VAV2: variants seen among roughly 807,000 people sequenced by gnomAD.
VAV2 encodes vav guanine nucleotide exchange factor 2.
A neutral mutation model predicts 132.5 loss-of-function variants in VAV2; 67 were observed. The observed-to-expected ratio is 0.51, with a 90% confidence interval of 0.42 to 0.62. VAV2 has a LOEUF of 0.62. Ranked by LOEUF, VAV2 falls within the 20% of genes least tolerant of loss-of-function variation. The pLI is 0.00. For missense variants in VAV2, 938 were observed against 1,153.6 expected, an observed-to-expected ratio of 0.81 and a Z score of 2.71; for synonymous variants, 492 against 443.5, an observed-to-expected ratio of 1.11 and a Z score of -1.37.
intron 1 of VAV2, among the ~76,000 whole-genome samples, chr9:133,960,591 G>A (rs148721286): frequency 9.2e-5 from 14 of 152,360 alleles, no homozygotes; most frequent in South Asian, 4.1e-4. Context: ...ACTTATCTGC[G>A]GAGAAAACGG....
At chr9:133,905,202 G>A (rs888182420) in intron 2 of VAV2, among the ~76,000 whole-genome samples, 1 of 152,118 alleles carries the variant, frequency 6.6e-6, no homozygotes, top group Non-Finnish European at 1.5e-5. Flanking sequence ...GCCAAGGCGG[G>A]TGGATCACCT....
At chr9:133,899,201 C>T (rs934966395) in intron 2 of VAV2, among the ~76,000 whole-genome samples, 12 of 151,678 alleles carry the variant, frequency 7.9e-5, no homozygotes, top group Non-Finnish European at 1.5e-4. Context: ...ATCACAAACG[C>T]GGAATAACAA....
chr9:133,849,982 C>A (rs1837101018), intron 3 of VAV2, among the ~76,000 whole-genome samples: 1 of 152,198 alleles, frequency 6.6e-6, no homozygotes, highest in Non-Finnish European at 1.5e-5. Context: ...ACACCATTCA[C>A]CCCATACACC....
At chr9:133,889,760 AC>A (rs1311745505) in intron 2 of VAV2, among the ~76,000 whole-genome samples, 3 of 151,552 alleles carry the variant, frequency 2.0e-5, no homozygotes, top group African/African-American at 7.3e-5. Flanking sequence ...ACACACACAC[AC>A]AAAAAATTTT....
At chr9:133,771,867 C>T (rs2131573000) in intron 26 of VAV2, 92 bp downstream of exon 26, 2 of 1,217,000 alleles carry the variant, frequency 1.6e-6, no homozygotes. Context: ...AATCAATCCT[C>T]ACAGAAAACA....
Position 133,928,773 on chromosome 9 carries a change from C to T in VAV2, c.321+10330G>A, listed in dbSNP as rs1372866346. On this transcript the variant is annotated intron_variant, in intron 2 of 29. Coordinates refer to ENST00000371850, the MANE Select transcript of VAV2 (RefSeq NM_001134398.2). The surrounding 1 kb of genome is among the most constrained non-coding windows in gnomAD (Gnocchi z 5.4). Reference sequence around the variant, plus strand: ...CAACGCAGATGTAAAATGGAGAAATCAATGACATGGCTGAGACGGCATCTG... The same window carrying T: ...CAACGCAGATGTAAAATGGAGAAATTAATGACATGGCTGAGACGGCATCTG... 2.0e-5 allele frequency among the ~76,000 whole-genome samples: 3 copies of T among 152,172 alleles called. No homozygotes were observed. Among genetic ancestry groups the T allele is most frequent in the Non-Finnish European group, 4.4e-5 (3 of 68,024 alleles).
intron 1 of VAV2, among the ~76,000 whole-genome samples, chr9:133,979,818 C>T (rs531309349): frequency 2.6e-5 from 4 of 152,312 alleles, no homozygotes; most frequent in Admixed American, 6.5e-5. Flanking sequence ...GGGAAGGCGG[C>T]GCCAGCTGCG....
chr9:133,932,469 G>T (rs1001074172), intron 2 of VAV2, among the ~76,000 whole-genome samples: 13 of 152,238 alleles, frequency 8.5e-5, no homozygotes, highest in African/African-American at 2.4e-4. Context: ...AAAGCAGCCA[G>T]AAGAGAAACA....
chr9:133,775,084 G>A lies in VAV2; in HGVS notation c.2019-33C>T, dbSNP rs369341240. 213 of 1,556,054 alleles carry A rather than the reference G, an allele frequency of 1.4e-4. 4 individuals carry two copies. In the South Asian group the frequency reaches 1.6e-3, roughly 12 times the overall value. Reference sequence around the variant, plus strand: ...AGGGGGCCGGGAGGAAACGAGAGCCGCAGTGAGGACAGTGTCTGAGGGGTG... The same window carrying A: ...AGGGGGCCGGGAGGAAACGAGAGCCACAGTGAGGACAGTGTCTGAGGGGTG... On this transcript the variant is annotated intron_variant, in intron 24 of 29. Coordinates refer to ENST00000371850, the MANE Select transcript of VAV2 (RefSeq NM_001134398.2).
Position 133,851,303 on chromosome 9 carries a change from A to G in VAV2, c.380+10071T>C, listed in dbSNP as rs974765543. Among the ~76,000 whole-genome samples, 6 of 152,182 alleles carry G rather than the reference A, an allele frequency of 3.9e-5. No individual in the cohort carries two copies. In the East Asian group the frequency reaches 9.6e-4, roughly 24 times the overall value. On this transcript the variant is annotated intron_variant, in intron 3 of 29. Coordinates refer to ENST00000371850, the MANE Select transcript of VAV2 (RefSeq NM_001134398.2). ...GGAGGAACCTGAGGCACAGAGTGGC[A>G]GCTCCTCCTCCTCCTCCTGACTCTC...
At chr9:133,938,998 G>A in intron 2 of VAV2, 105 bp downstream of exon 2, 1 of 1,039,428 alleles carries the variant, frequency 9.6e-7, no homozygotes, top group Non-Finnish European at 1.5e-6. Context: ...CTGGCTCTGT[G>A]TTGGAGCCAA....
At chr9:133,930,233 T>G (rs577771280) in intron 2 of VAV2, among the ~76,000 whole-genome samples, 55 of 152,142 alleles carry the variant, frequency 3.6e-4, no homozygotes, top group African/African-American at 1.3e-3. Flanking sequence ...CCTCTCTGCC[T>G]CCCGGCATCC....
At position 133,802,031 on chromosome 9, in the gene VAV2, C is replaced by T. The variant is rs1463963885; in HGVS notation, c.836+4050G>A. On this transcript the variant is annotated intron_variant, in intron 9 of 29. Coordinates refer to ENST00000371850, the MANE Select transcript of VAV2 (RefSeq NM_001134398.2). This position sits in a 1 kb window ranked among gnomAD's most constrained non-coding sequence, Gnocchi z 5.8. ...CAGGTCACTCACACAGACGCCTTCA[C>T]CCTCCGTCCACACCACAGGACTCTG... Among the ~76,000 whole-genome samples the T allele has an allele frequency of 2.0e-5, 3 of 152,042 alleles. No homozygotes were observed. The highest frequency in any genetic ancestry group is 4.4e-5 in the Non-Finnish European group (3 of 67,992).
At chr9:133,856,923 C>T (rs1241351126) in intron 3 of VAV2, among the ~76,000 whole-genome samples, 2 of 152,174 alleles carry the variant, frequency 1.3e-5, no homozygotes, top group Non-Finnish European at 2.9e-5. Flanking sequence ...TTAGGACATC[C>T]ACCTAGCAGC....
intron 2 of VAV2, among the ~76,000 whole-genome samples, chr9:133,930,522 A>G (rs1329852412): frequency 6.6e-6 from 1 of 152,194 alleles, no homozygotes; most frequent in Non-Finnish European, 1.5e-5. Flanking sequence ...TTCCATACAG[A>G]CAACTGTGCT....
intron 2 of VAV2, among the ~76,000 whole-genome samples, chr9:133,930,118 C>A (rs1202396099): frequency 6.6e-6 from 1 of 152,216 alleles, no homozygotes; most frequent in East Asian, 1.9e-4. Flanking sequence ...GGTCATTGCA[C>A]TGCATCCTCT....
chr9:133,778,802 A>G lies in VAV2; in HGVS notation c.1850T>C (p.Leu617Pro). 1.9e-6 allele frequency: 3 copies of G among 1,613,048 alleles called. No individual in the cohort carries two copies. Among genetic ancestry groups the G allele is most frequent in the Non-Finnish European group, 2.5e-6 (3 of 1,180,004 alleles). Residue 617 changes from leucine to proline, a missense_variant, in exon 22 of 30, where the codon CTT becomes CCT. By Grantham distance (98) the Leu-to-Pro change is moderately conservative. Coordinates refer to ENST00000371850, the MANE Select transcript of VAV2 (RefSeq NM_001134398.2). Reference protein sequence around the residue: ...PVLTFQTGDVLELLRGDPESP... With the variant: ...PVLTFQTGDVPELLRGDPESP... ...CTCAGGGTCGCCCCTCAGCAGCTCA[A>G]GCACGTCGCCCGTCTGGAAGGTCAG...
chr9:133,763,832 GC>G lies in VAV2; in HGVS notation c.*229del. The G allele has an allele frequency of 5.4e-6, 3 of 558,572 alleles. No homozygotes were observed. The highest frequency in any genetic ancestry group is 9.6e-6 in the Non-Finnish European group (3 of 312,778). The allele number at this position is 558,572 out of a possible 1,614,324, so 34.6% of individuals were successfully genotyped here. On this transcript the variant is annotated 3_prime_UTR_variant, in exon 30 of 30. Coordinates refer to ENST00000371850, the MANE Select transcript of VAV2 (RefSeq NM_001134398.2). This position sits in a 1 kb window ranked among gnomAD's most constrained non-coding sequence, Gnocchi z 6.8. ...CTCCTCTGCGCTCTGGGTGGGGCTA[GC>G]CCAGGTTTCCTCTATGTACAATAGC... is the stretch of plus-strand genomic sequence containing the variant.
At chr9:133,817,866 A>G (rs187657610) in intron 4 of VAV2, among the ~76,000 whole-genome samples, 222 of 152,272 alleles carry the variant, frequency 1.5e-3, no homozygotes, top group Middle Eastern at 6.8e-3. Context: ...CGTATTTATA[A>G]TAGCTGCTGT....
Sources: allele counts gnomAD v4.1 joint callset (sites outside exome capture counted in the v4.1 genomes callset), GRCh38; gene constraint gnomAD v4.1.1; non-coding constraint Gnocchi (gnomAD v3.1); transcripts MANE v1.5; gene names NCBI Gene and HGNC (gene_info 2026-07-23, HGNC 2026-07-21).